ITM2B: variants seen among roughly 807,000 people sequenced by gnomAD.
ITM2B encodes integral membrane protein 2B.
Under a neutral mutation model 27.8 loss-of-function variants are expected in ITM2B, and 11 were observed. The observed-to-expected ratio is 0.40, with a 90% CI of 0.25 to 0.66. The LOEUF is 0.66. ITM2B is among the 30% of genes least tolerant of loss of function. ITM2B has a pLI of 0.43. For missense variants in ITM2B, 296 were observed against 328.9 expected (o/e 0.90, Z 0.77); for synonymous variants, 114 against 114.3 (o/e 1.00, Z 0.02).
Position 48,253,789 on chromosome 13 carries a change from T to G in ITM2B, c.118-19T>G, listed in dbSNP as rs1201437515. The stretch of plus-strand genomic sequence containing the variant: ...TCTGTCTGGAGATAAGATATTTAAC[T>G]GTCTTTTTCATATTTTAGGACCCAG... On this transcript the variant is annotated intron_variant, in intron 1 of 5. Transcript: ENST00000647800. 1 of 1,611,978 alleles carries G rather than the reference T, an allele frequency of 6.2e-7. No homozygotes were observed. The highest frequency in any genetic ancestry group is 1.7e-5 in the Admixed American group (1 of 60,012).
At position 48,269,536 on chromosome 13, in the gene ITM2B, T is replaced by A. The variant is rs1239579246; in HGVS notation, c.*8312T>A. On this transcript the variant is annotated 3_prime_UTR_variant, in exon 6 of 6. Transcript: ENST00000647800. ...CCTCCAAAGCTCTTCTTACATCACC[T>A]CCTGTAACTCTCCCCCTTTCTCACT... is the stretch of plus-strand genomic sequence containing the variant. 5 of 151,920 alleles carry A rather than the reference T, an allele frequency of 3.3e-5. No individual in the cohort carries two copies. The highest frequency in any genetic ancestry group is 1.2e-4 in the African/African-American group (5 of 41,034). 9.4% of individuals were successfully genotyped at this position (151,920 alleles called of 1,614,324 possible).
intron 1 of ITM2B, among the ~76,000 whole-genome samples, chr13:48,252,063 C>T (rs1951758904): frequency 6.6e-6 from 1 of 152,198 alleles, no homozygotes; most frequent in Non-Finnish European, 1.5e-5. Flanking sequence ...CCATGACATT[C>T]TCATAGCAAT....
intron 5 of ITM2B, among the ~76,000 whole-genome samples, chr13:48,260,818 G>A (rs1951817650): frequency 6.6e-6 from 1 of 151,974 alleles, no homozygotes; most frequent in African/African-American, 2.4e-5. Flanking sequence ...GTGCAACTCT[G>A]AGTTTCCACA....
rs955872760 is a variant in ITM2B at position 48,261,912 on chromosome 13, A to G, written c.*688A>G. On this transcript the variant is annotated 3_prime_UTR_variant, in exon 6 of 6. Coordinates refer to ENST00000647800, the MANE Select transcript of ITM2B (RefSeq NM_021999.5). Reference sequence around the variant, plus strand: ...TTTTCCCGTATAATAAAACCAAAGAATAGTTTGGTTCTTCAAATCTTAAGA... The same window carrying G: ...TTTTCCCGTATAATAAAACCAAAGAGTAGTTTGGTTCTTCAAATCTTAAGA... The G allele has an allele frequency of 2.0e-5, 3 of 152,606 alleles. No homozygotes were observed. The highest frequency in any genetic ancestry group is 4.4e-5 in the Non-Finnish European group (3 of 68,002). The allele number at this position is 152,606 out of a possible 1,614,324, so 9.5% of individuals were successfully genotyped here. A position where few individuals can be genotyped will look rare whatever the true frequency, so the allele number is the denominator to read the frequency against.
chr13:48,255,254 T>TGC (rs1364488409), intron 2 of ITM2B, among the ~76,000 whole-genome samples: 45 of 144,110 alleles, frequency 3.1e-4, no homozygotes, highest in South Asian at 6.5e-4. Context: ...TGTGTGTGTG[T>TGC]GCGCGCGCGT....
intron 1 of ITM2B, among the ~76,000 whole-genome samples, chr13:48,245,205 A>T (rs1951718086): frequency 6.6e-6 from 1 of 152,130 alleles, no homozygotes; most frequent in African/African-American, 2.4e-5. Context: ...ATGTGCCTGT[A>T]ATCCCAGCTA....
intron 1 of ITM2B, among the ~76,000 whole-genome samples, chr13:48,236,535 G>A (rs1168967832): frequency 1.3e-5 from 2 of 152,138 alleles, no homozygotes; most frequent in Admixed American, 6.5e-5. Context: ...ATTATATTTG[G>A]CAGACATTAA....
intron 1 of ITM2B, among the ~76,000 whole-genome samples, chr13:48,235,321 C>G (rs1425964871): frequency 6.6e-6 from 1 of 152,128 alleles, no homozygotes; most frequent in African/African-American, 2.4e-5. Flanking sequence ...ATTGGTAGCT[C>G]CGTGCTTTGT....
In ITM2B at chr13:48,258,241, A is replaced by G; in HGVS notation, c.564+5A>G. 1 of 1,358,074 alleles carries G rather than the reference A, an allele frequency of 7.4e-7. No individual in the cohort carries two copies. Among genetic ancestry groups the G allele is most frequent in the Admixed American group, 1.7e-5 (1 of 59,674 alleles). The allele number at this position is 1,358,074 out of a possible 1,614,324, so 84.1% of individuals were successfully genotyped here. On this transcript the variant is annotated splice_donor_5th_base_variant and intron_variant, in intron 4 of 5. Transcript: ENST00000647800. The stretch of plus-strand genomic sequence containing the variant: ...GAGTTACTTATTAACATCAAGGTAT[A>G]AGAATGTTGACTGTTTTTGATGAAT...
At chr13:48,252,323 G>A (rs903463962) in intron 1 of ITM2B, among the ~76,000 whole-genome samples, 2 of 152,196 alleles carry the variant, frequency 1.3e-5, no homozygotes, top group Non-Finnish European at 1.5e-5. Flanking sequence ...GTCCCCAACC[G>A]CCAGGCCACA....
chr13:48,252,073 T>C (rs1951758969), intron 1 of ITM2B, among the ~76,000 whole-genome samples: 1 of 152,216 alleles, frequency 6.6e-6, no homozygotes. Context: ...CTCATAGCAA[T>C]GCACTGATTC....
Position 48,258,787 on chromosome 13 carries a change from C to T in ITM2B, c.565-10C>T, listed in dbSNP as rs1951804962. On this transcript the variant is annotated splice_polypyrimidine_tract_variant and intron_variant, in intron 4 of 5. Coordinates refer to ENST00000647800, the MANE Select transcript of ITM2B (RefSeq NM_021999.5). ...AGATAGTCATGTCATGTATTCTTTT[C>T]TGAATGTAGGCTGGAACCTATTTGC... is the stretch of plus-strand genomic sequence containing the variant. 1 of 1,612,488 alleles carries T rather than the reference C, an allele frequency of 6.2e-7. No individual in the cohort carries two copies. The highest frequency in any genetic ancestry group is 1.3e-5 in the African/African-American group (1 of 74,978).
Position 48,233,465 on chromosome 13 carries a change from G to C in ITM2B, c.105G>C (p.Ala35=). The C allele has an allele frequency of 3.3e-6, 5 of 1,532,442 alleles. No homozygotes were observed. The highest frequency in any genetic ancestry group is 4.4e-6 in the Non-Finnish European group (5 of 1,140,642). The allele number at this position is 1,532,442 out of a possible 1,614,324, so 94.9% of individuals were successfully genotyped here. A position where few individuals can be genotyped will look rare whatever the true frequency, so the allele number is the denominator to read the frequency against. The change falls in exon 1 of 6, where the codon GCG becomes GCC. Residue 35 remains alanine (A), a synonymous_variant. Coordinates refer to ENST00000647800, the MANE Select transcript of ITM2B (RefSeq NM_021999.5). ...TCATCATCCCCCCCGACGCCGTCGC[G>C]GTGGACTGCAAGGTCCGAGCCCGGG... ...EALIIPPDAV[A]VDCKDPDDVV... is the part of the protein sequence containing the mutation.
chr13:48,251,109 A>G (rs1314714566), intron 1 of ITM2B, among the ~76,000 whole-genome samples: 1 of 152,236 alleles, frequency 6.6e-6, no homozygotes, highest in Non-Finnish European at 1.5e-5. Flanking sequence ...ATGGTTTACA[A>G]AGGTCTTTTG....
intron 1 of ITM2B, among the ~76,000 whole-genome samples, chr13:48,245,124 G>A (rs113459567): frequency 1.1e-4 from 16 of 152,258 alleles, no homozygotes; most frequent in East Asian, 9.7e-4. Flanking sequence ...TCAGGAGTTC[G>A]AGACCAGCCT....
At chr13:48,259,115 T>G (rs970798361) in intron 5 of ITM2B, among the ~76,000 whole-genome samples, 168 bp downstream of exon 5, 2 of 152,226 alleles carry the variant, frequency 1.3e-5, no homozygotes, top group Admixed American at 1.3e-4. Flanking sequence ...TTCCATTTAG[T>G]AAGTCCACTC....
rs1415953769 is a variant in ITM2B at position 48,265,244 on chromosome 13, A to G, written c.*4020A>G. On this transcript the variant is annotated 3_prime_UTR_variant, in exon 6 of 6. Transcript: ENST00000647800. Reference sequence around the variant, plus strand: ...CCTCCTTCCTCAGTCCCATTCCCCAACAGTTTAACGTGCGATACAATAATG... The same window carrying G: ...CCTCCTTCCTCAGTCCCATTCCCCAGCAGTTTAACGTGCGATACAATAATG... The G allele has an allele frequency of 2.0e-5, 3 of 152,156 alleles. No homozygotes were observed. Among genetic ancestry groups the G allele is most frequent in the East Asian group, 1.9e-4 (1 of 5,200 alleles). The allele number at this position is 152,156 out of a possible 1,614,324, so 9.4% of individuals were successfully genotyped here. A position where few individuals can be genotyped will look rare whatever the true frequency, so the allele number is the denominator to read the frequency against.
At chr13:48,241,302 C>T (rs917365503) in intron 1 of ITM2B, among the ~76,000 whole-genome samples, 1 of 152,210 alleles carries the variant, frequency 6.6e-6, no homozygotes, top group Admixed American at 6.5e-5. Flanking sequence ...ACTTCCGCCT[C>T]CCAGGTTCAA....
At chr13:48,255,022 C>T (rs1246445044) in intron 2 of ITM2B, 2 of 151,870 alleles carry the variant, frequency 1.3e-5, no homozygotes, top group African/African-American at 2.4e-5. Flanking sequence ...ATTACAGGCA[C>T]CTGCCACCAC....
Sources: gnomAD v4.1 joint callset for allele counts (sites outside exome capture counted in the v4.1 genomes callset) on GRCh38, gnomAD v4.1.1 for gene constraint, MANE v1.5 for transcripts, NCBI Gene and HGNC (gene_info 2026-07-23, HGNC 2026-07-21) for gene names.